Variants in RGS3 observed in about 807,000 individuals in gnomAD.
RGS3 encodes the protein regulator of G-protein signalling 3.
RGS3 carries 80 observed loss-of-function variants against 132.6 expected under a neutral mutation model. That is an observed-to-expected ratio of 0.60 (90% CI 0.50 to 0.73). RGS3 has a LOEUF of 0.73. RGS3 is among the 30% of genes least tolerant of loss of function. The pLI, the probability that RGS3 is intolerant of heterozygous loss-of-function variation, is 0.00. For synonymous variants in RGS3, 598 were observed against 620.6 expected (o/e 0.96, Z 0.54); for missense variants, 1,382 against 1,530.8 (o/e 0.90, Z 1.62).
intron 19 of RGS3, among the ~76,000 whole-genome samples, chr9:113,542,312 C>T (rs1345941871): frequency 6.6e-6 from 1 of 152,126 alleles, no homozygotes; most frequent in African/African-American, 2.4e-5. Context: ...AGGTGCAAGA[C>T]ACAGTGGGTG....
In RGS3 at chr9:113,491,333, A is replaced by T. The variant is rs184476968; in HGVS notation, c.690-4453A>T. ...TGTGCATAATCTCAGCTCACTGCAA[A>T]CTCTGTCTCCCAGGTAGCGATTCTC... On this transcript the variant is annotated intron_variant, in intron 7 of 24. Transcript: ENST00000350696. 9.6e-4 allele frequency among the ~76,000 whole-genome samples: 145 copies of T among 151,378 alleles called. 1 individual carries two copies. The highest frequency in any genetic ancestry group is 3.4e-3 in the Middle Eastern group (1 of 294).
intron 8 of RGS3, among the ~76,000 whole-genome samples, chr9:113,496,590 G>C (rs182798629): frequency 6.6e-6 from 1 of 151,284 alleles, no homozygotes; most frequent in Non-Finnish European, 1.5e-5. Context: ...TCACTCTGTT[G>C]CCCAGGCTGG....
rs1385680182 is a variant in RGS3 at position 113,452,173 on chromosome 9, A to AT, written c.-13+7254dup. Among the ~76,000 whole-genome samples, 6 of 151,514 alleles carry AT rather than the reference A, an allele frequency of 4.0e-5. No homozygotes were observed. The East Asian group carries it at 7.8e-4, about 20-fold the overall frequency. ...ACCACCATATCTGGTTACTTTTTAA[A>AT]TTTTTTTTGTGGAGATGGGTCTTGC... is the stretch of plus-strand genomic sequence containing the variant. On this transcript the variant is annotated intron_variant, in intron 1 of 25. Transcript: ENST00000374140.
chr9:113,534,706 G>A (rs1832610537), intron 18 of RGS3, among the ~76,000 whole-genome samples: 1 of 151,394 alleles, frequency 6.6e-6, no homozygotes, highest in Non-Finnish European at 1.5e-5. Context: ...CAAGCTCCTG[G>A]GCTTCAGCAA....
At chr9:113,498,060 G>C in exon 10 of RGS3, 1 of 1,614,096 alleles carries the variant, frequency 6.2e-7, no homozygotes, top group South Asian at 1.1e-5. Flanking sequence ...TGGGGACACT[G>C]AGAATGGGAA....
chr9:113,511,942 A>G (rs1369750221), intron 14 of RGS3, among the ~76,000 whole-genome samples: 2 of 152,108 alleles, frequency 1.3e-5, no homozygotes, highest in East Asian at 1.9e-4. Context: ...CTATCCTTCT[A>G]CTAACCCTGG....
At chr9:113,547,218 A>G (rs1160840337) in intron 19 of RGS3, among the ~76,000 whole-genome samples, 1 of 152,250 alleles carries the variant, frequency 6.6e-6, no homozygotes, top group Non-Finnish European at 1.5e-5. Flanking sequence ...ATACCAGGCA[A>G]AAAGAAGAAA....
At chr9:113,571,914 G>A (rs1834308961) in intron 19 of RGS3, among the ~76,000 whole-genome samples, 1 of 152,130 alleles carries the variant, frequency 6.6e-6, no homozygotes. Flanking sequence ...CATTTTCTCT[G>A]GATAAATATT....
intron 14 of RGS3, among the ~76,000 whole-genome samples, chr9:113,511,452 T>C (rs1368904511): frequency 6.6e-6 from 1 of 151,988 alleles, no homozygotes; most frequent in Non-Finnish European, 1.5e-5. Context: ...AGCCACATAT[T>C]ATCCAGGGGT....
chr9:113,479,194 C>A, intron 3 of RGS3: 1 of 420,636 alleles, frequency 2.4e-6, no homozygotes, highest in Non-Finnish European at 4.3e-6. Flanking sequence ...GACAACGACC[C>A]AGCAGTGAGA....
intron 19 of RGS3, among the ~76,000 whole-genome samples, chr9:113,545,998 C>T (rs543252352): frequency 6.6e-6 from 1 of 152,272 alleles, no homozygotes; most frequent in African/African-American, 2.4e-5. Flanking sequence ...AACTGCAGAC[C>T]ATCCAAGCTG....
intron 19 of RGS3, chr9:113,542,099 T>TA (rs1356285006): frequency 6.4e-6 from 1 of 155,264 alleles, no homozygotes; most frequent in Admixed American, 6.5e-5. Flanking sequence ...GAATTGTACT[T>TA]AGAGTGCTGT....
chr9:113,584,286 C>T lies in RGS3; in HGVS notation c.2874C>T (p.Ser958=), dbSNP rs200558317. Residue 958 remains serine (S), a synonymous_variant, in exon 20 of 25, where the codon TCC becomes TCT. Coordinates refer to ENST00000350696, the Ensembl canonical transcript of RGS3. The stretch of plus-strand genomic sequence containing the variant: ...AGCCCCGAGGGCCCTGCTTTGCCTC[C>T]GACACCACCTTGCACTGCTCAGACG... 121 of 1,611,154 alleles carry T rather than the reference C, an allele frequency of 7.5e-5. 1 individual carries two copies. In the East Asian group the frequency reaches 1.0e-3, roughly 14 times the overall value.
intron 3 of RGS3, among the ~76,000 whole-genome samples, chr9:113,467,265 C>G (rs1829674425): frequency 6.6e-6 from 1 of 152,176 alleles, no homozygotes; most frequent in South Asian, 2.1e-4. Flanking sequence ...TTTGCTGAGT[C>G]CTATGGTAAC....
intron 20 of RGS3, among the ~76,000 whole-genome samples, chr9:113,587,229 G>A (rs1165017812): frequency 6.7e-6 from 1 of 148,722 alleles, no homozygotes; most frequent in East Asian, 2.1e-4. Flanking sequence ...CTGATGAGGG[G>A]CCGGGGGTGG....
Position 113,463,706 on chromosome 9 carries a change from C to G in RGS3, c.415+1505C>G. 6.9e-7 allele frequency: 1 copy of G among 1,444,708 alleles called. No homozygotes were observed. The highest frequency in any genetic ancestry group is 9.1e-7 in the Non-Finnish European group (1 of 1,099,774). 89.5% of individuals were successfully genotyped at this position (1,444,708 alleles called of 1,614,324 possible). A position where few individuals can be genotyped will look rare whatever the true frequency, so the allele number is the denominator to read the frequency against. On this transcript the variant is annotated intron_variant, in intron 3 of 24. Transcript: ENST00000350696. The surrounding 1 kb of genome is among the most constrained non-coding windows in gnomAD (Gnocchi z 4.6). ...CAACGCTTGGGGCAGCCCTACCTCC[C>G]GCTCGCGCTCCTCCCGCCCTGGAGA...
Position 113,514,494 on chromosome 9 carries a change from G to T in RGS3, c.1514G>T (p.Gly505Val), listed in dbSNP as rs752018623. 84 of 1,614,084 alleles carry T rather than the reference G, an allele frequency of 5.2e-5. No homozygotes were observed. The highest frequency in any genetic ancestry group is 1.7e-5 in the Admixed American group (1 of 60,008). Residue 505 changes from glycine to valine, a missense_variant, in exon 15 of 25, where the codon GGC becomes GTC. By Grantham distance (109) the Gly-to-Val change is moderately radical. Transcript: ENST00000350696. ...CCCAGTAAAGGGAAGTCCTACACAG[G>T]CCTGGGGAAGAAGTCCCGGCTGATG... is the stretch of plus-strand genomic sequence containing the variant.
intron 17 of RGS3, among the ~76,000 whole-genome samples, chr9:113,524,995 G>A (rs1832138139): frequency 6.6e-6 from 1 of 152,158 alleles, no homozygotes; most frequent in Non-Finnish European, 1.5e-5. Flanking sequence ...GCAGCCTTGT[G>A]TAAGCTTGGC....
At chr9:113,451,817 A>G (rs113124213) in intron 1 of RGS3, among the ~76,000 whole-genome samples, 6,102 of 151,868 alleles carry the variant, frequency 0.04, 166 homozygotes, top group South Asian at 0.1. Context: ...CTTTGTGTAG[A>G]TCCAGACTTC....
Sources: gnomAD v4.1 joint callset for allele counts (sites outside exome capture counted in the v4.1 genomes callset) on GRCh38, gnomAD v4.1.1 for gene constraint, Gnocchi (gnomAD v3.1) non-coding constraint, MANE v1.5 for transcripts, NCBI Gene and HGNC (gene_info 2026-07-23, HGNC 2026-07-21) for gene names.